NTRK1: variants seen among roughly 807,000 people sequenced by gnomAD.
NTRK1 encodes high affinity nerve growth factor receptor.
NTRK1 carries 62 observed loss-of-function variants against 86.8 expected under a neutral mutation model. The ratio of observed to expected loss-of-function variants is 0.71; its 90% CI spans 0.58 to 0.88. The LOEUF (loss-of-function observed/expected upper bound fraction) is 0.88, where lower values mean the gene tolerates loss of function less well. NTRK1 is among the 40% of genes least tolerant of loss of function. The pLI is 0.00. For missense variants in NTRK1, 967 were observed against 1,078.4 expected (o/e 0.90, Z 1.45); for synonymous variants, 469 against 456.6 (o/e 1.03, Z -0.35).
intron 3 of NTRK1, 149 bp from the exon 4 acceptor site, chr1:156,866,761 A>C (rs1655952024): frequency 5.6e-6 from 3 of 536,138 alleles, no homozygotes; most frequent in East Asian, 5.5e-5. Context: ...ATCTACACAC[A>C]CTGCCTTCCA....
In NTRK1 at chr1:156,860,967, C is replaced by T. The variant is rs2102878965; in HGVS notation, c.33C>T (p.Gly11=). The T allele has an allele frequency of 6.6e-7, 1 of 1,513,726 alleles. No homozygotes were observed. The allele number at this position is 1,513,726 out of a possible 1,614,324, so 93.8% of individuals were successfully genotyped here. MLRGGRRGQL[G]WHSWAAGPGS... is the part of the protein sequence containing the mutation. ...GAGGCGGACGGCGCGGGCAGCTTGG[C>T]TGGCACAGCTGGGCTGCGGGGCCGG... The change falls in exon 1 of 17, where the codon GGC becomes GGT. Residue 11 remains glycine, a synonymous_variant. Transcript: ENST00000524377.
At chr1:156,862,961 G>A (rs1655745603) in intron 1 of NTRK1, among the ~76,000 whole-genome samples, 1 of 152,124 alleles carries the variant, frequency 6.6e-6, no homozygotes, top group Non-Finnish European at 1.5e-5. Flanking sequence ...AAGGAGGAAG[G>A]GAGGGGTCAC....
At chr1:156,836,957 C>T (rs1230189021) in intron 1 of NTRK1, among the ~76,000 whole-genome samples, 1 of 152,188 alleles carries the variant, frequency 6.6e-6, no homozygotes, top group Non-Finnish European at 1.5e-5. Flanking sequence ...TAGGGAAATC[C>T]AGATATCCAC....
At chr1:156,849,552 G>T in intron 2 of NTRK1, 3 of 962,864 alleles carry the variant, frequency 3.1e-6, no homozygotes, top group South Asian at 1.5e-5. Flanking sequence ...GAAGGGTTTT[G>T]CTGGGCCCGG....
intron 1 of NTRK1, among the ~76,000 whole-genome samples, chr1:156,819,773 C>T (rs1478679979): frequency 1.3e-5 from 2 of 152,078 alleles, no homozygotes; most frequent in Non-Finnish European, 2.9e-5. Context: ...CCCGCTTTGA[C>T]CTCCCAAATT....
rs757934441 is a variant in NTRK1 at position 156,843,228 on chromosome 1, C to T, written c.50+1035C>T. ...CGAGGCACCTCCCATTCATCAGGGA[C>T]ATACACTGCAAGGAGGTGGAGGGTC... On this transcript the variant is annotated intron_variant, in intron 2 of 16. Coordinates refer to the NTRK1 transcript ENST00000392302. 3 of 1,613,992 alleles carry T rather than the reference C, an allele frequency of 1.9e-6. No individual in the cohort carries two copies. The South Asian group carries it at 3.3e-5, about 18-fold the overall frequency.
chr1:156,872,018 G>A (rs749538332), intron 7 of NTRK1, among the ~76,000 whole-genome samples: 10 of 152,066 alleles, frequency 6.6e-5, no homozygotes, highest in Admixed American at 2.6e-4. Context: ...CCAGATGCCC[G>A]GCTGTTCCCA....
intron 2 of NTRK1, chr1:156,844,766 G>A (rs2102857146): frequency 1.9e-6 from 3 of 1,614,146 alleles, no homozygotes; most frequent in Non-Finnish European, 2.5e-6. Context: ...GGGTCTGGTG[G>A]CTCGAGCCAG....
At chr1:156,866,085 C>G (rs763208177) in intron 3 of NTRK1, among the ~76,000 whole-genome samples, 22 of 152,194 alleles carry the variant, frequency 1.4e-4, no homozygotes, top group Non-Finnish European at 2.9e-4. Flanking sequence ...TGAGGTCACA[C>G]AGCTGTAAGT....
intron 1 of NTRK1, 66 bp from the exon 2 acceptor site, chr1:156,864,288 A>G (rs781254801): frequency 3.4e-6 from 5 of 1,489,520 alleles, no homozygotes; most frequent in Non-Finnish European, 4.7e-6. Flanking sequence ...TGAGGGAGTA[A>G]GTGGGTGGGC....
intron 1 of NTRK1, among the ~76,000 whole-genome samples, chr1:156,826,775 C>T (rs1418414214): frequency 6.6e-6 from 1 of 152,208 alleles, no homozygotes; most frequent in Non-Finnish European, 1.5e-5. Flanking sequence ...TATCTTTTTG[C>T]AAGTAGTTTT....
chr1:156,873,595 C>T (rs369092390), intron 7 of NTRK1, 38 bp from the exon 8 acceptor site: 19 of 1,579,552 alleles, frequency 1.2e-5, no homozygotes, highest in African/African-American at 1.1e-4. Flanking sequence ...CCTCCAGCTG[C>T]GCCCTGACCT....
At chr1:156,818,687 T>C (rs1654096834) in intron 1 of NTRK1, among the ~76,000 whole-genome samples, 1 of 152,244 alleles carries the variant, frequency 6.6e-6, no homozygotes, top group Non-Finnish European at 1.5e-5. Flanking sequence ...TATTCCATGA[T>C]GCAGATATAC....
chr1:156,877,641 T>TAG (rs1191094822), intron 14 of NTRK1, among the ~76,000 whole-genome samples: 1 of 152,278 alleles, frequency 6.6e-6, no homozygotes, highest in Non-Finnish European at 1.5e-5. Flanking sequence ...GAGCTGAGCC[T>TAG]TCTTTGCCAA....
chr1:156,827,215 G>A (rs568941198), intron 1 of NTRK1, among the ~76,000 whole-genome samples: 8 of 151,396 alleles, frequency 5.3e-5, no homozygotes, highest in African/African-American at 9.7e-5. Context: ...CCAAATAGCC[G>A]GGACCACAGG....
At chr1:156,855,155 G>T (rs545699088) in intron 2 of NTRK1, among the ~76,000 whole-genome samples, 53 of 107,182 alleles carry the variant, frequency 4.9e-4, no homozygotes, top group African/African-American at 1.7e-3. Context: ...TCTCAATGAG[G>T]CCTTCTCTGA....
intron 1 of NTRK1, among the ~76,000 whole-genome samples, chr1:156,822,122 A>G (rs751168752): frequency 1.1e-4 from 16 of 152,156 alleles, no homozygotes; most frequent in Non-Finnish European, 2.1e-4. Flanking sequence ...GAGTCAATTA[A>G]AAGAATCTAA....
upstream of NTRK1, among the ~76,000 whole-genome samples, chr1:156,856,256 A>G (rs1205921928): frequency 1.3e-5 from 2 of 152,202 alleles, no homozygotes; most frequent in Non-Finnish European, 2.9e-5. Context: ...GGCTATACCA[A>G]TAGCTCCTGG....
chr1:156,818,725 GA>G (rs1302632294), intron 1 of NTRK1, among the ~76,000 whole-genome samples: 1 of 152,144 alleles, frequency 6.6e-6, no homozygotes, highest in Non-Finnish European at 1.5e-5. Context: ...CTCATTGGTT[GA>G]TGGGCACTTA....
Sources: gnomAD v4.1 joint callset for allele counts (sites outside exome capture counted in the v4.1 genomes callset) on GRCh38, gnomAD v4.1.1 for gene constraint, MANE v1.5 for transcripts, NCBI Gene and HGNC (gene_info 2026-07-23, HGNC 2026-07-21) for gene names.